Variants in RIPOR3 observed in about 807,000 individuals in gnomAD.
The protein encoded by RIPOR3 is family with sequence similarity 65 member C.
Under a neutral mutation model 114.3 loss-of-function variants are expected in RIPOR3, and 95 were observed. The observed-to-expected ratio is 0.83, with a 90% CI of 0.70 to 0.99. The LOEUF (loss-of-function observed/expected upper bound fraction) is 0.99. RIPOR3 is among the 50% of genes least tolerant of loss of function. The pLI, the probability that RIPOR3 is intolerant of heterozygous loss-of-function variation, is 0.00. For missense variants in RIPOR3, 1,252 were observed against 1,266.9 expected (o/e 0.99, Z 0.18); for synonymous variants, 575 against 543.8 (o/e 1.06, Z -0.80).
At chr20:50,668,717 C>T (rs576479564) in intron 1 of RIPOR3, among the ~76,000 whole-genome samples, 1 of 152,214 alleles carries the variant, frequency 6.6e-6, no homozygotes, top group South Asian at 2.1e-4. Flanking sequence ...ATTAGCTGGG[C>T]GTGGTGGCGG....
At chr20:50,654,231 A>G (rs1377428222) in intron 1 of RIPOR3, among the ~76,000 whole-genome samples, 4 of 151,524 alleles carry the variant, frequency 2.6e-5, no homozygotes, top group Admixed American at 1.3e-4. Flanking sequence ...CAGTGGCGCA[A>G]TATCGGTTCA....
intron 1 of RIPOR3, among the ~76,000 whole-genome samples, chr20:50,681,200 G>T (rs1343778610): frequency 7.7e-6 from 1 of 130,046 alleles, no homozygotes; most frequent in Non-Finnish European, 1.6e-5. Context: ...ACTCCAGCCT[G>T]GGCGACAAAG....
At chr20:50,649,469 G>A (rs2085525929) in intron 1 of RIPOR3, among the ~76,000 whole-genome samples, 1 of 152,090 alleles carries the variant, frequency 6.6e-6, no homozygotes, top group Non-Finnish European at 1.5e-5. Flanking sequence ...AGGCCCCTGG[G>A]AAGGATGCCT....
chr20:50,596,252 G>T lies in RIPOR3; in HGVS notation c.1802C>A (p.Pro601His). ...TTTCAGTGATGACGGTGGGGGCAGGGGCCGGTCCTTTCTGAGTTGAATTGA... is the reference window on the plus strand; with the variant it reads ...TTTCAGTGATGACGGTGGGGGCAGGTGCCGGTCCTTTCTGAGTTGAATTGA... ...GGSQGLRKDR[P>H]LPPPSSLKAS... The change falls in exon 15 of 22, where the codon CCC becomes CAC. Residue 601 changes from proline (P) to histidine (H), a missense_variant. Physicochemically the swap from Pro to His is moderately conservative, Grantham distance 77 (BLOSUM62 -2). Transcript: ENST00000327979. 6.2e-7 allele frequency: 1 copy of T among 1,614,120 alleles called. No homozygotes were observed. The highest frequency in any genetic ancestry group is 8.5e-7 in the Non-Finnish European group (1 of 1,180,014).
rs978587928 is a variant in RIPOR3, at chr20:50,691,485, G to T, written c.-357C>A. The T allele has an allele frequency of 9.1e-6, 2 of 219,088 alleles. No individual in the cohort carries two copies. The highest frequency in any genetic ancestry group is 5.5e-5 in the Admixed American group (1 of 18,082). 13.6% of individuals were successfully genotyped at this position (219,088 alleles called of 1,614,324 possible). A position where few individuals can be genotyped will look rare whatever the true frequency, so the allele number is the denominator to read the frequency against. ...CCCCCCAGCCGGCCCCGCTCCCCCC[G>T]GATGCCGCCTGCTGCTCTGGACGCG... is the stretch of plus-strand genomic sequence containing the variant. On this transcript the variant is annotated 5_prime_UTR_variant, in exon 1 of 22. Transcript: ENST00000327979.
chr20:50,639,983 G>A (rs1243002779), intron 1 of RIPOR3, among the ~76,000 whole-genome samples: 1 of 151,330 alleles, frequency 6.6e-6, no homozygotes, highest in Non-Finnish European at 1.5e-5. Flanking sequence ...TGTGCTAAAG[G>A]CATCTCTTCG....
In RIPOR3 at chr20:50,691,437, G is replaced by A. The variant is rs1179386937; in HGVS notation, c.-309C>T. ...AGGGTGCAGGCGGCCATGGAGCTGGGGTTCCAGGAAGCCCTCCTGGGGCCC... is the reference window on the plus strand; with the variant it reads ...AGGGTGCAGGCGGCCATGGAGCTGGAGTTCCAGGAAGCCCTCCTGGGGCCC... On this transcript the variant is annotated 5_prime_UTR_variant, in exon 1 of 22. Coordinates refer to ENST00000327979, the MANE Select transcript of RIPOR3 (RefSeq NM_001290268.2). The A allele has an allele frequency of 8.7e-6, 2 of 230,254 alleles. No homozygotes were observed. Among genetic ancestry groups the A allele is most frequent in the East Asian group, 1.4e-4 (1 of 6,944 alleles). 14.3% of individuals were successfully genotyped at this position (230,254 alleles called of 1,614,324 possible). A position where few individuals can be genotyped will look rare whatever the true frequency, so the allele number is the denominator to read the frequency against.
At chr20:50,605,935 G>A (rs1202049849) in intron 11 of RIPOR3, among the ~76,000 whole-genome samples, 1 of 152,202 alleles carries the variant, frequency 6.6e-6, no homozygotes, top group Non-Finnish European at 1.5e-5. Flanking sequence ...TGGGCGTGGT[G>A]GCTCATGCCT....
intron 3 of RIPOR3, among the ~76,000 whole-genome samples, chr20:50,618,300 A>G (rs945581063): frequency 1.3e-5 from 2 of 148,972 alleles, no homozygotes; most frequent in Non-Finnish European, 3.0e-5. Flanking sequence ...AAAAAAAAAA[A>G]AGGCGTAAGT....
At chr20:50,682,453 A>G (rs2086888846) in intron 1 of RIPOR3, among the ~76,000 whole-genome samples, 1 of 152,098 alleles carries the variant, frequency 6.6e-6, no homozygotes, top group African/African-American at 2.4e-5. Flanking sequence ...CGTCTCTACA[A>G]AAACGTAGCC....
intron 1 of RIPOR3, among the ~76,000 whole-genome samples, chr20:50,679,255 G>T (rs1450190337): frequency 6.9e-6 from 1 of 145,790 alleles, no homozygotes. Context: ...AAATGAGGGT[G>T]CCACTTGGTT....
intron 19 of RIPOR3, 38 bp downstream of exon 19, chr20:50,592,306 C>G (rs1022655727): frequency 6.6e-7 from 1 of 1,507,304 alleles, no homozygotes; most frequent in East Asian, 2.4e-5. Flanking sequence ...GCCCACACAT[C>G]TGTGGCCAGG....
chr20:50,592,206 C>T (rs190267843), intron 19 of RIPOR3, 138 bp downstream of exon 19: 2 of 826,774 alleles, frequency 2.4e-6, no homozygotes, highest in Admixed American at 3.4e-5. Flanking sequence ...AGATCGTAGC[C>T]CAGGTCCCTC....
At chr20:50,606,211 GA>G (rs750056571) in intron 11 of RIPOR3, among the ~76,000 whole-genome samples, 51 of 151,960 alleles carry the variant, frequency 3.4e-4, no homozygotes, top group Non-Finnish European at 6.5e-4. Flanking sequence ...GTCTCAAAAA[GA>G]AAAAAAGAAA....
At chr20:50,618,303 G>T (rs200646222) in intron 3 of RIPOR3, among the ~76,000 whole-genome samples, 2 of 127,462 alleles carry the variant, frequency 1.6e-5, no homozygotes, top group East Asian at 4.1e-4. Flanking sequence ...AAAAAAAAAG[G>T]CGTAAGTAGG....
intron 1 of RIPOR3, among the ~76,000 whole-genome samples, chr20:50,667,528 G>T (rs562759528): frequency 6.6e-6 from 1 of 151,922 alleles, no homozygotes; most frequent in East Asian, 1.9e-4. Flanking sequence ...TCCTGACCTC[G>T]TGATCCGCCT....
rs1045216248 is a variant in RIPOR3, at chr20:50,636,615, G to A, written c.4-5759C>T. Reference sequence around the variant, plus strand: ...CAGACAGGACAGCCTCTTCTACTCCGTGTCCCTCGCTGCCTCTCTCTGGCC... The same window carrying A: ...CAGACAGGACAGCCTCTTCTACTCCATGTCCCTCGCTGCCTCTCTCTGGCC... On this transcript the variant is annotated intron_variant, in intron 1 of 21. Transcript: ENST00000327979. The A allele has an allele frequency of 3.2e-5, 32 of 985,526 alleles. No homozygotes were observed. In the African/African-American group the frequency reaches 5.4e-4, roughly 17 times the overall value. 61.0% of individuals were successfully genotyped at this position (985,526 alleles called of 1,614,324 possible). A position where few individuals can be genotyped will look rare whatever the true frequency, so the allele number is the denominator to read the frequency against.
At chr20:50,639,463 C>T (rs943896451) in intron 1 of RIPOR3, among the ~76,000 whole-genome samples, 2 of 152,116 alleles carry the variant, frequency 1.3e-5, no homozygotes, top group African/African-American at 4.8e-5. Flanking sequence ...CCCACAGCTC[C>T]CCGGGGGCAG....
intron 11 of RIPOR3, among the ~76,000 whole-genome samples, chr20:50,607,783 C>T (rs1171835589): frequency 6.6e-6 from 1 of 152,134 alleles, no homozygotes; most frequent in Non-Finnish European, 1.5e-5. Context: ...AGAGACCAGC[C>T]CCGACTGGCC....
Sources: allele counts gnomAD v4.1 joint callset (sites outside exome capture counted in the v4.1 genomes callset), GRCh38; gene constraint gnomAD v4.1.1; transcripts MANE v1.5; gene names NCBI Gene and HGNC (gene_info 2026-07-23, HGNC 2026-07-21).